Variants in CCSER1 observed in about 807,000 individuals in gnomAD.
CCSER1 encodes the protein coiled-coil serine rich protein 1.
A neutral mutation model predicts 82.0 loss-of-function variants in CCSER1; 41 were observed. The ratio of observed to expected loss-of-function variants is 0.50; its 90% CI spans 0.39 to 0.65. The LOEUF is 0.65. CCSER1 is among the 30% of genes least tolerant of loss of function. CCSER1 has a pLI of 0.00. For missense variants in CCSER1, 1,119 were observed against 1,064.2 expected (o/e 1.05, Z -0.72); for synonymous variants, 414 against 383.9 (o/e 1.08, Z -0.92).
At position 90,426,754 on chromosome 4, in the gene CCSER1, A is replaced by G. The variant is rs957880797; in HGVS notation, c.1603+26625A>G. Reference sequence around the variant, plus strand: ...TAAAGAGTTTGTTCTTCACAATTATATGACTCTATTCTCTATATCAGTAAA... The same window carrying G: ...TAAAGAGTTTGTTCTTCACAATTATGTGACTCTATTCTCTATATCAGTAAA... On this transcript the variant is annotated intron_variant, in intron 4 of 10. Transcript: ENST00000509176. Among the ~76,000 whole-genome samples the G allele has an allele frequency of 3.9e-5, 6 of 152,106 alleles. No homozygotes were observed. The East Asian group carries it at 1.2e-3, about 29-fold the overall frequency.
intron 10 of CCSER1, among the ~76,000 whole-genome samples, chr4:91,372,526 T>C (rs550599483): frequency 7.6e-4 from 115 of 152,048 alleles, no homozygotes; most frequent in African/African-American, 2.7e-3. Context: ...CTCAATTCTA[T>C]TGTTCTTTCT....
intron 1 of CCSER1, among the ~76,000 whole-genome samples, chr4:90,262,770 C>T (rs1160695657): frequency 6.6e-6 from 1 of 152,132 alleles, no homozygotes; most frequent in African/African-American, 2.4e-5. Flanking sequence ...ACCTCCCAGC[C>T]TCACTCCTGC....
At chr4:91,029,977 G>A (rs1740828808) in intron 9 of CCSER1, among the ~76,000 whole-genome samples, 1 of 150,444 alleles carries the variant, frequency 6.6e-6, no homozygotes, top group Non-Finnish European at 1.5e-5. Flanking sequence ...AATATTTACT[G>A]TATTTTTGAA....
chr4:90,921,882 G>A (rs1210751485), intron 8 of CCSER1, among the ~76,000 whole-genome samples: 2 of 152,028 alleles, frequency 1.3e-5, no homozygotes, highest in African/African-American at 4.8e-5. Context: ...GATGGACAAT[G>A]TTATTGCTCC....
intron 3 of CCSER1, among the ~76,000 whole-genome samples, chr4:90,322,432 T>C (rs1737335931): frequency 6.6e-6 from 1 of 152,228 alleles, no homozygotes. Context: ...AGTTTTATTC[T>C]TTTTGTTCAT....
At position 91,057,027 on chromosome 4, in the gene CCSER1, G is replaced by C. The variant is rs73834770; in HGVS notation, c.2173-28923G>C. 4.5e-3 allele frequency among the ~76,000 whole-genome samples: 689 copies of C among 152,290 alleles called. 6 individuals carry two copies. The highest frequency in any genetic ancestry group is 0.016 in the African/African-American group (649 of 41,574). On this transcript the variant is annotated intron_variant, in intron 9 of 10. Transcript: ENST00000509176. Reference sequence around the variant, plus strand: ...AGGAAAGGATTGCAACTATGAGGGAGAGGTACAACAACAATGGCTGTTCAC... The same window carrying C: ...AGGAAAGGATTGCAACTATGAGGGACAGGTACAACAACAATGGCTGTTCAC...
intron 4 of CCSER1, among the ~76,000 whole-genome samples, chr4:90,427,237 T>C (rs1410490054): frequency 2.6e-5 from 4 of 151,844 alleles, no homozygotes; most frequent in African/African-American, 9.7e-5. Context: ...CATTGGAGAA[T>C]TCGGACAAAA....
chr4:91,055,262 C>T (rs553822365), intron 9 of CCSER1, among the ~76,000 whole-genome samples: 24 of 152,142 alleles, frequency 1.6e-4, no homozygotes, highest in African/African-American at 5.8e-4. Context: ...TCATAAACAA[C>T]TCTGCTCCCT....
At chr4:91,401,474 G>A (rs947583903) in intron 10 of CCSER1, among the ~76,000 whole-genome samples, 2 of 151,496 alleles carry the variant, frequency 1.3e-5, no homozygotes, top group African/African-American at 4.8e-5. Flanking sequence ...ATGTATACAT[G>A]TGCCATGTTG....
chr4:90,394,510 T>C (rs1371023292), intron 3 of CCSER1, among the ~76,000 whole-genome samples: 1 of 152,202 alleles, frequency 6.6e-6, no homozygotes, highest in South Asian at 2.1e-4. Flanking sequence ...TTTACTAATC[T>C]TTTGACTTTT....
At chr4:90,762,265 C>T (rs1483437337) in intron 7 of CCSER1, among the ~76,000 whole-genome samples, 2 of 152,100 alleles carry the variant, frequency 1.3e-5, no homozygotes, top group Non-Finnish European at 2.9e-5. Flanking sequence ...TGACACTTCT[C>T]CTTGCTGCTG....
intron 3 of CCSER1, among the ~76,000 whole-genome samples, chr4:90,397,472 A>G (rs920803587): frequency 6.6e-6 from 1 of 152,252 alleles, no homozygotes; most frequent in Non-Finnish European, 1.5e-5. Flanking sequence ...CCTTGAAAAC[A>G]TCATGTATGC....
Position 91,049,519 on chromosome 4 carries a change from C to T in CCSER1, c.2173-36431C>T, listed in dbSNP as rs371533552. On this transcript the variant is annotated intron_variant, in intron 9 of 10. Transcript: ENST00000509176. ...GAAGATTTTTCCATTTTCAAAAACA[C>T]GTTTGGTGGTCATTCTTATTTTTTG... is the stretch of plus-strand genomic sequence containing the variant. Among the ~76,000 whole-genome samples the T allele has an allele frequency of 3.3e-5, 5 of 152,276 alleles. No homozygotes were observed. In the East Asian group the frequency reaches 5.8e-4, roughly 18 times the overall value.
At chr4:91,173,154 A>C (rs1346886784) in intron 10 of CCSER1, among the ~76,000 whole-genome samples, 3 of 152,242 alleles carry the variant, frequency 2.0e-5, no homozygotes, top group Non-Finnish European at 4.4e-5. Flanking sequence ...AGCTATGCTA[A>C]GTAATTATAT....
chr4:91,277,170 G>A (rs1463867432), intron 10 of CCSER1, among the ~76,000 whole-genome samples: 1 of 152,060 alleles, frequency 6.6e-6, no homozygotes, highest in African/African-American at 2.4e-5. Context: ...CATAGAATGA[G>A]TTAGCAAGAA....
intron 10 of CCSER1, among the ~76,000 whole-genome samples, chr4:91,298,897 A>G (rs961388470): frequency 2.0e-5 from 3 of 151,938 alleles, no homozygotes; most frequent in Admixed American, 1.3e-4. Context: ...AATCAACCAT[A>G]TGTTTTAGCA....
chr4:90,145,413 G>A (rs1209431294), intron 1 of CCSER1, among the ~76,000 whole-genome samples: 1 of 152,112 alleles, frequency 6.6e-6, no homozygotes, highest in African/African-American at 2.4e-5. Flanking sequence ...ATATGTTGCT[G>A]CCTTTAAAAT....
intron 10 of CCSER1, among the ~76,000 whole-genome samples, chr4:91,426,119 T>C (rs1283186583): frequency 1.3e-5 from 2 of 152,126 alleles, no homozygotes; most frequent in African/African-American, 4.8e-5. Context: ...ACTCCCACTA[T>C]GAGTGAGCAC....
intron 6 of CCSER1, among the ~76,000 whole-genome samples, chr4:90,663,418 C>G (rs987291926): frequency 6.6e-6 from 1 of 152,120 alleles, no homozygotes; most frequent in South Asian, 2.1e-4. Flanking sequence ...TGGCTACACA[C>G]AAGAAACAAA....
Sources: allele counts gnomAD v4.1 joint callset (sites outside exome capture counted in the v4.1 genomes callset), GRCh38; gene constraint gnomAD v4.1.1; transcripts MANE v1.5; gene names NCBI Gene and HGNC (gene_info 2026-07-23, HGNC 2026-07-21).